Variants in SC5D observed in about 807,000 individuals in gnomAD.
SC5D encodes sterol-C5-desaturase.
SC5D carries 21 observed loss-of-function variants against 23.9 expected under a neutral mutation model. The ratio of observed to expected loss-of-function variants is 0.88; its 90% CI spans 0.62 to 1.26. The LOEUF (loss-of-function observed/expected upper bound fraction) is 1.26. SC5D is among the 50% of genes most tolerant of loss of function. The pLI is 0.00. For missense variants in SC5D, 309 were observed against 364.8 expected (o/e 0.85, Z 1.25); for synonymous variants, 113 against 125.9 (o/e 0.90, Z 0.68).
At chr11:121,294,124 A>G (rs1044581495) in intron 1 of SC5D, among the ~76,000 whole-genome samples, 2 of 152,358 alleles carry the variant, frequency 1.3e-5, no homozygotes, top group African/African-American at 4.8e-5. Flanking sequence ...GAGTTGTTCT[A>G]AGCCTAATAT....
chr11:121,303,277 C>G (rs1947938122), intron 1 of SC5D, 89 bp from the exon 2 acceptor site: 1 of 961,558 alleles, frequency 1.0e-6, no homozygotes, highest in South Asian at 1.3e-5. Context: ...GTTCTTAAAT[C>G]AGGAACTTGA....
chr11:121,313,105 A>C lies in SC5D; in HGVS notation c.*5593A>C, dbSNP rs1361107270. ...CAGAATAAATTTCCTCTCCGTTTGC[A>C]GTCATTCTCCCCAGCCCTAGGTCAC... On this transcript the variant is annotated 3_prime_UTR_variant, in exon 5 of 5. Transcript: ENST00000264027. 6.6e-6 allele frequency among the ~76,000 whole-genome samples: 1 copy of C among 152,188 alleles called. No individual in the cohort carries two copies. The highest frequency in any genetic ancestry group is 1.5e-5 in the Non-Finnish European group (1 of 68,002).
chr11:121,302,796 C>G (rs1397260422), intron 1 of SC5D, among the ~76,000 whole-genome samples: 1 of 152,116 alleles, frequency 6.6e-6, no homozygotes, highest in Non-Finnish European at 1.5e-5. Context: ...TTCTTAACAC[C>G]AAGAATACAT....
At chr11:121,303,973 A>G (rs1292872326) in intron 2 of SC5D, 2 of 256,612 alleles carry the variant, frequency 7.8e-6, no homozygotes, top group East Asian at 2.1e-4. Flanking sequence ...GTAGTTTTAA[A>G]GTTGTTTACA....
At chr11:121,306,104 A>G in intron 3 of SC5D, 1 of 378,190 alleles carries the variant, frequency 2.6e-6, no homozygotes. Context: ...TTTAAATAAT[A>G]AAGATGTCTT....
Position 121,303,558 on chromosome 11 carries a change from A to C in SC5D, c.183A>C (p.Ala61=), listed in dbSNP as rs746772356. 1 of 1,613,134 alleles carries C rather than the reference A, an allele frequency of 6.2e-7. No homozygotes were observed. Among genetic ancestry groups the C allele is most frequent in the Non-Finnish European group, 8.5e-7 (1 of 1,179,288 alleles). Residue 61 remains alanine, a synonymous_variant, in exon 2 of 5, where the codon GCA becomes GCC. Coordinates refer to ENST00000264027, the MANE Select transcript of SC5D (RefSeq NM_006918.5). ...TLSYYFVFDH[A]LMKHPQFLKN... ...GCTATTATTTTGTCTTCGATCATGCATTAATGAAACATCCACAATTTTTAA... is the reference window on the plus strand; with the variant it reads ...GCTATTATTTTGTCTTCGATCATGCCTTAATGAAACATCCACAATTTTTAA...
rs945915330 is a variant in SC5D at position 121,309,874 on chromosome 11, A to G, written c.*2362A>G. On this transcript the variant is annotated 3_prime_UTR_variant, in exon 5 of 5. Transcript: ENST00000264027. ...CAGATGACTTTTATAGTTACAGGAC[A>G]GAAAGTGAAAATCAAGGTTACGTTT... is the stretch of plus-strand genomic sequence containing the variant. 6.6e-6 allele frequency among the ~76,000 whole-genome samples: 1 copy of G among 152,242 alleles called. No individual in the cohort carries two copies. The highest frequency in any genetic ancestry group is 6.5e-5 in the Admixed American group (1 of 15,288).
chr11:121,298,325 A>G (rs1285441229), intron 1 of SC5D, among the ~76,000 whole-genome samples: 1 of 152,090 alleles, frequency 6.6e-6, no homozygotes, highest in Non-Finnish European at 1.5e-5. Flanking sequence ...GGAGTGCTAC[A>G]CTCTGGGAAA....
At chr11:121,304,681 TC>T (rs1947950962) in intron 3 of SC5D, 188 bp downstream of exon 3, 5 of 558,246 alleles carry the variant, frequency 9.0e-6, no homozygotes, top group African/African-American at 1.9e-5. Flanking sequence ...TTTCTATCAA[TC>T]TGAAAGTCTG....
At chr11:121,295,218 C>A (rs1947880522) in intron 1 of SC5D, among the ~76,000 whole-genome samples, 1 of 152,198 alleles carries the variant, frequency 6.6e-6, no homozygotes, top group African/African-American at 2.4e-5. Context: ...GAAGCCCTGA[C>A]AATATGTGCC....
intron 3 of SC5D, 72 bp from the exon 4 acceptor site, chr11:121,306,314 G>T: frequency 1.3e-6 from 1 of 767,634 alleles, no homozygotes; most frequent in South Asian, 1.4e-5. Flanking sequence ...GCACTCAGAT[G>T]GACATGTGAA....
chr11:121,307,382 C>G lies in SC5D; in HGVS notation c.770C>G (p.Pro257Arg). Residue 257 changes from proline (P) to arginine (R), a missense_variant, in exon 5 of 5, where the codon CCT becomes CGT. Coordinates refer to ENST00000264027, the MANE Select transcript of SC5D (RefSeq NM_006918.5). Reference sequence around the variant, plus strand: ...AGGATTGGCGGCTCATTCAAAAATCCTTCATCCTTTGAGGGGAAGGGACCG... The same window carrying G: ...AGGATTGGCGGCTCATTCAAAAATCGTTCATCCTTTGAGGGGAAGGGACCG... Reference protein sequence around the residue: ...WDRIGGSFKNPSSFEGKGPLS... With the variant: ...WDRIGGSFKNRSSFEGKGPLS... 1.9e-6 allele frequency: 3 copies of G among 1,613,866 alleles called. No individual in the cohort carries two copies. The highest frequency in any genetic ancestry group is 2.5e-6 in the Non-Finnish European group (3 of 1,179,822).
At chr11:121,303,006 A>G (rs1947936225) in intron 1 of SC5D, among the ~76,000 whole-genome samples, 1 of 152,212 alleles carries the variant, frequency 6.6e-6, no homozygotes, top group Non-Finnish European at 1.5e-5. Context: ...CTGAGTACCT[A>G]GTCCCCTGCA....
rs946627669 is a variant in SC5D at position 121,306,794 on chromosome 11, A to G, written c.445-263A>G. On this transcript the variant is annotated intron_variant, in intron 4 of 4. Coordinates refer to ENST00000264027, the MANE Select transcript of SC5D (RefSeq NM_006918.5). The stretch of plus-strand genomic sequence containing the variant: ...GATGAGACGCTCCCTATTGGGTACA[A>G]TGTGCACTCTTCAGGTGCTAGGTAC... 35 of 621,000 alleles carry G rather than the reference A, an allele frequency of 5.6e-5. No homozygotes were observed. The African/African-American group carries it at 5.7e-4, about 10-fold the overall frequency. The allele number at this position is 621,000 out of a possible 1,614,324, so 38.5% of individuals were successfully genotyped here.
In SC5D at chr11:121,312,573, A is replaced by G. The variant is rs886047875; in HGVS notation, c.*5061A>G. On this transcript the variant is annotated 3_prime_UTR_variant, in exon 5 of 5. Transcript: ENST00000264027. The stretch of plus-strand genomic sequence containing the variant: ...CACTTCACAACTCACGATTCAAACA[A>G]AGACAAAATAGCATATCAAAAGTTA... Among the ~76,000 whole-genome samples, 8 of 152,164 alleles carry G rather than the reference A, an allele frequency of 5.3e-5. 1 individual carries two copies.
chr11:121,294,325 T>G (rs778810149), intron 1 of SC5D, among the ~76,000 whole-genome samples: 26 of 152,170 alleles, frequency 1.7e-4, no homozygotes, highest in Non-Finnish European at 2.9e-4. Flanking sequence ...AGTTGACGAC[T>G]TGAAGTAGTG....
At chr11:121,303,320 A>G in intron 1 of SC5D, 46 bp from the exon 2 acceptor site, 1 of 1,571,666 alleles carries the variant, frequency 6.4e-7, no homozygotes, top group Non-Finnish European at 8.8e-7. Flanking sequence ...TTTGCCTGGA[A>G]AAATAGAGAC....
At chr11:121,306,540 T>C in intron 4 of SC5D, 54 bp downstream of exon 4, 1 of 881,846 alleles carries the variant, frequency 1.1e-6, no homozygotes, top group Non-Finnish European at 1.9e-6. Flanking sequence ...CAGCAATGTA[T>C]GATTATAAAT....
intron 2 of SC5D, chr11:121,304,102 A>G (rs1007239369): frequency 1.5e-5 from 6 of 413,238 alleles, no homozygotes; most frequent in Non-Finnish European, 2.7e-5. Flanking sequence ...GTTATTCCAT[A>G]AATAGAAGTT....
Sources: gnomAD v4.1 joint callset for allele counts (sites outside exome capture counted in the v4.1 genomes callset) on GRCh38, gnomAD v4.1.1 for gene constraint, MANE v1.5 for transcripts, NCBI Gene and HGNC (gene_info 2026-07-23, HGNC 2026-07-21) for gene names.